Variants in PCLO observed in about 807,000 individuals in gnomAD.
PCLO encodes the protein piccolo presynaptic cytomatrix protein, also known as protein piccolo.
PCLO carries 82 observed loss-of-function variants against 427.5 expected under a neutral mutation model. The ratio of observed to expected loss-of-function variants is 0.19; its 90% CI spans 0.16 to 0.23. PCLO has a LOEUF of 0.23. Among genes scored for constraint, PCLO ranks in the 10% least tolerant of loss-of-function variants. The probability of loss-of-function intolerance (pLI) is 1.00; values close to 1 mark genes in which losing one functional copy is unlikely to be tolerated. For synonymous variants in PCLO, 2,357 were observed against 2,155.4 expected, an observed-to-expected ratio of 1.09 and a Z score of -2.59; for missense variants, 6,239 against 6,115.9, an observed-to-expected ratio of 1.02 and a Z score of -0.67.
Position 82,952,595 on chromosome 7 carries a change from A to C in PCLO, c.8358T>G (p.Thr2786=). The change falls in exon 5 of 25, where the codon ACT becomes ACG. Residue 2786 remains threonine, a synonymous_variant. Transcript: ENST00000333891. The part of the protein sequence containing the change: ...INLSVTSSIV[T]PVSLATETVT... Reference sequence around the variant, plus strand: ...CTGTCTCAGTGGCCAGAGATACAGGAGTCACTATTGATGATGTCACACTAA... The same window carrying C: ...CTGTCTCAGTGGCCAGAGATACAGGCGTCACTATTGATGATGTCACACTAA... 6.2e-7 allele frequency: 1 copy of C among 1,613,910 alleles called. No homozygotes were observed. Among genetic ancestry groups the C allele is most frequent in the Non-Finnish European group, 8.5e-7 (1 of 1,179,806 alleles).
chr7:82,844,681 G>T (rs1362499082), intron 13 of PCLO, among the ~76,000 whole-genome samples: 5 of 151,956 alleles, frequency 3.3e-5, no homozygotes, highest in Non-Finnish European at 7.4e-5. Flanking sequence ...TATTTCCTCT[G>T]CTTTTTATAA....
chr7:82,861,691 A>G (rs1019441823), intron 10 of PCLO, among the ~76,000 whole-genome samples: 1 of 152,088 alleles, frequency 6.6e-6, no homozygotes, highest in Non-Finnish European at 1.5e-5. Flanking sequence ...TCTTTTCCTC[A>G]GCACATGGAT....
At position 82,954,126 on chromosome 7, in the gene PCLO, G is replaced by T; in HGVS notation, c.6827C>A (p.Ser2276Tyr). The T allele has an allele frequency of 6.2e-7, 1 of 1,613,892 alleles. No individual in the cohort carries two copies. Among genetic ancestry groups the T allele is most frequent in the Non-Finnish European group, 8.5e-7 (1 of 1,179,836 alleles). Residue 2276 changes from serine (S) to tyrosine (Y), a missense_variant, in exon 5 of 25, where the codon TCT becomes TAT. Around this residue, in one of 5 missense-constraint regions of PCLO, gnomAD observed 4,677 missense variants for 4,468.4 expected, o/e 1.05. Coordinates refer to ENST00000333891, the MANE Select transcript of PCLO (RefSeq NM_033026.6). ...TGGCCCTTCAGGTTTAGGTACTACA[G>T]ATTCTATGATAGAAGATGCCATATC... Reference protein sequence around the residue: ...LSDMASSIIESVVPKPEGPVA... With the variant: ...LSDMASSIIEYVVPKPEGPVA...
chr7:82,882,347 A>G (rs1049492538), intron 9 of PCLO, among the ~76,000 whole-genome samples: 3 of 152,206 alleles, frequency 2.0e-5, no homozygotes, highest in African/African-American at 7.2e-5. Flanking sequence ...TGATGTGTAT[A>G]GTATCATTGT....
At chr7:83,162,196 T>TA (rs954536729) in intron 1 of PCLO, 149 bp downstream of exon 1, 1 of 855,042 alleles carries the variant, frequency 1.2e-6, no homozygotes, top group African/African-American at 1.7e-5. Flanking sequence ...TCACAAGGCT[T>TA]AGGATCTCTC....
At chr7:83,009,241 T>C (rs968519047) in intron 3 of PCLO, among the ~76,000 whole-genome samples, 14 of 151,884 alleles carry the variant, frequency 9.2e-5, no homozygotes, top group African/African-American at 3.4e-4. Flanking sequence ...TTTTTAGAGA[T>C]AAATAATTTC....
At chr7:83,112,749 G>A (rs1326963583) in intron 3 of PCLO, among the ~76,000 whole-genome samples, 1 of 152,104 alleles carries the variant, frequency 6.6e-6, no homozygotes, top group African/African-American at 2.4e-5. Context: ...AATATGCCAT[G>A]AGAGGAAAAG....
intron 3 of PCLO, among the ~76,000 whole-genome samples, chr7:82,972,614 T>C (rs1484890749): frequency 6.6e-6 from 1 of 151,948 alleles, no homozygotes; most frequent in Admixed American, 6.6e-5. Flanking sequence ...TCAAGTGAAG[T>C]GATTAGGAAG....
chr7:82,974,370 A>G (rs998101915), intron 3 of PCLO, among the ~76,000 whole-genome samples: 5 of 152,216 alleles, frequency 3.3e-5, no homozygotes, highest in Non-Finnish European at 7.3e-5. Flanking sequence ...AACTGAGTAG[A>G]CTACCTGATC....
chr7:82,945,220 T>C (rs991462645), intron 6 of PCLO, among the ~76,000 whole-genome samples: 1 of 152,146 alleles, frequency 6.6e-6, no homozygotes, highest in Non-Finnish European at 1.5e-5. Flanking sequence ...TAAGAGTAAG[T>C]AGGCTGCAAG....
chr7:82,955,892 T>A lies in PCLO; in HGVS notation c.5061A>T (p.Lys1687Asn). The A allele has an allele frequency of 1.2e-6, 2 of 1,613,940 alleles. No homozygotes were observed. The highest frequency in any genetic ancestry group is 1.7e-6 in the Non-Finnish European group (2 of 1,179,862). ...ADKYSAESSQ[K>N]KTSLYFDEEP... ...CTTCGTCAAAATACAAACTTGTTTT[T>A]TTCTGTGATGACTCTGCAGAATATT... The change falls in exon 5 of 25, where the codon AAA (lysine) becomes AAT (asparagine). Residue 1687 changes from lysine (K) to asparagine (N), a missense_variant. Around this residue, in one of 5 missense-constraint regions of PCLO, gnomAD observed 4,677 missense variants for 4,468.4 expected, o/e 1.05. Transcript: ENST00000333891.
chr7:83,030,408 A>C (rs1398573330), intron 3 of PCLO, among the ~76,000 whole-genome samples: 2 of 152,214 alleles, frequency 1.3e-5, no homozygotes, highest in African/African-American at 4.8e-5. Flanking sequence ...GCATGAGCAA[A>C]GGCATGGTCA....
Position 83,108,098 on chromosome 7 carries a change from T to C in PCLO, c.3300+26152A>G, listed in dbSNP as rs1428480255. ...GGCAATAGTTATGGCCATTGATAGG[T>C]GGCCATAGATAAAGTACTACAGTTT... On this transcript the variant is annotated intron_variant, in intron 3 of 24. Transcript: ENST00000333891. Among the ~76,000 whole-genome samples, 8 of 151,742 alleles carry C rather than the reference T, an allele frequency of 5.3e-5. No individual in the cohort carries two copies. The East Asian group carries it at 1.4e-3, about 26-fold the overall frequency.
Position 83,155,855 on chromosome 7 carries a change from G to A in PCLO, c.786C>T (p.Thr262=), listed in dbSNP as rs760725489. ...TTGCATGGTCTGTCTGAGGAGTCTGGGTAGGACCCTGAATTGGCTTTCCTG... is the reference window on the plus strand; with the variant it reads ...TTGCATGGTCTGTCTGAGGAGTCTGAGTAGGACCCTGAATTGGCTTTCCTG... ...PGTGKPIQGP[T]QTPQTDHAKL... Residue 262 remains threonine (T), a synonymous_variant, in exon 2 of 25, where the codon ACC becomes ACT. Coordinates refer to ENST00000333891, the MANE Select transcript of PCLO (RefSeq NM_033026.6). 6.2e-7 allele frequency: 1 copy of A among 1,613,798 alleles called. No homozygotes were observed. The highest frequency in any genetic ancestry group is 1.3e-5 in the African/African-American group (1 of 74,872).
At chr7:82,789,613 G>A (rs994389434) in intron 22 of PCLO, among the ~76,000 whole-genome samples, 1 of 152,130 alleles carries the variant, frequency 6.6e-6, no homozygotes, top group African/African-American at 2.4e-5. Context: ...GCTGAGGCAG[G>A]AGAATCACTT....
At chr7:83,008,315 T>C (rs1787997772) in intron 3 of PCLO, among the ~76,000 whole-genome samples, 1 of 151,750 alleles carries the variant, frequency 6.6e-6, no homozygotes, top group Non-Finnish European at 1.5e-5. Flanking sequence ...CCCCATTTGT[T>C]AAAAACCGGT....
At chr7:82,968,517 CTTTTTTTT>C (rs11324005) in intron 3 of PCLO, among the ~76,000 whole-genome samples, 11 of 73,228 alleles carry the variant, frequency 1.5e-4, no homozygotes, top group African/African-American at 3.8e-4. Context: ...CAGAGTCTGA[CTTTTTTTT>C]TTTTTTTTTT....
intron 3 of PCLO, among the ~76,000 whole-genome samples, chr7:83,018,670 A>C (rs2116041999): frequency 6.6e-6 from 1 of 152,158 alleles, no homozygotes; most frequent in Admixed American, 6.6e-5. Context: ...TTAATATTTC[A>C]GGTATAATAC....
At chr7:83,051,532 A>C (rs1425495761) in intron 3 of PCLO, among the ~76,000 whole-genome samples, 11 of 152,186 alleles carry the variant, frequency 7.2e-5, no homozygotes, top group Admixed American at 6.6e-4. Context: ...AAAACTATAC[A>C]GCTCTAATTA....
Sources: gnomAD v4.1 joint callset for allele counts (sites outside exome capture counted in the v4.1 genomes callset) on GRCh38, gnomAD v4.1.1 for gene constraint, gnomAD v4.1.1 regional missense constraint, MANE v1.5 for transcripts, NCBI Gene and HGNC (gene_info 2026-07-23, HGNC 2026-07-21) for gene names.